Variants in CARM1 observed in about 807,000 individuals in gnomAD.
The protein encoded by CARM1 is coactivator associated arginine methyltransferase 1.
Under a neutral mutation model 72.7 loss-of-function variants are expected in CARM1, and 14 were observed. That is an observed-to-expected ratio of 0.19 (90% CI 0.13 to 0.30). The LOEUF is 0.30. CARM1 is among the 10% of genes least tolerant of loss of function. CARM1 has a pLI of 1.00. For synonymous variants in CARM1, 333 were observed against 345.5 expected, an observed-to-expected ratio of 0.96 and a Z score of 0.40; for missense variants, 432 against 833.7, an observed-to-expected ratio of 0.52 and a Z score of 5.93.
At chr19:10,876,008 A>C (rs1260241160) in intron 1 of CARM1, among the ~76,000 whole-genome samples, 1 of 151,000 alleles carries the variant, frequency 6.6e-6, no homozygotes, top group Non-Finnish European at 1.5e-5. Context: ...CTGGGATTAC[A>C]GGGATTAGAG....
In CARM1 at chr19:10,916,837, C is replaced by A; in HGVS notation, c.1020+60C>A. Reference sequence around the variant, plus strand: ...CACTTGCCATTGCTGTGCAGCTGTGCAGCCCTCAGGAAGCTACAGCCCCTC... The same window carrying A: ...CACTTGCCATTGCTGTGCAGCTGTGAAGCCCTCAGGAAGCTACAGCCCCTC... On this transcript the variant is annotated intron_variant, in intron 8 of 15. Transcript: ENST00000327064. The surrounding 1 kb of genome is among the most constrained non-coding windows in gnomAD (Gnocchi z 4.4). 1 of 1,288,640 alleles carries A rather than the reference C, an allele frequency of 7.8e-7. No homozygotes were observed. The highest frequency in any genetic ancestry group is 1.1e-6 in the Non-Finnish European group (1 of 915,026). 79.8% of individuals were successfully genotyped at this position (1,288,640 alleles called of 1,614,324 possible). A position where few individuals can be genotyped will look rare whatever the true frequency, so the allele number is the denominator to read the frequency against.
intron 1 of CARM1, among the ~76,000 whole-genome samples, chr19:10,901,924 G>A (rs1443700526): frequency 6.6e-6 from 1 of 151,786 alleles, no homozygotes; most frequent in East Asian, 2.0e-4. Context: ...ACTCCAGCCT[G>A]GGCAACAGAT....
At chr19:10,872,294 AGGT>A (rs1356546919) in intron 1 of CARM1, among the ~76,000 whole-genome samples, 1 of 48,914 alleles carries the variant, frequency 2.0e-5, no homozygotes, top group Non-Finnish European at 4.0e-5. Context: ...GGTGCGGGAG[AGGT>A]GGGCGTCTCG....
chr19:10,878,957 C>T (rs141368770), intron 1 of CARM1, among the ~76,000 whole-genome samples: 150 of 152,266 alleles, frequency 9.9e-4, no homozygotes, highest in Middle Eastern at 6.8e-3. Flanking sequence ...CAGGCGTGTG[C>T]CACCACGGCT....
chr19:10,908,148 G>A lies in CARM1; in HGVS notation c.453+3G>A, dbSNP rs1475543050. On this transcript the variant is annotated splice_donor_region_variant and intron_variant, in intron 3 of 15. Coordinates refer to ENST00000327064, the MANE Select transcript of CARM1 (RefSeq NM_199141.2). ...CTTCTGCCGTGCAGTACTTCCAGGTGGGTTGTACTCCCCCTCAGCCAGGCC... is the reference window on the plus strand; with the variant it reads ...CTTCTGCCGTGCAGTACTTCCAGGTAGGTTGTACTCCCCCTCAGCCAGGCC... 3.1e-6 allele frequency: 5 copies of A among 1,601,778 alleles called. No homozygotes were observed. Among genetic ancestry groups the A allele is most frequent in the Non-Finnish European group, 4.3e-6 (5 of 1,168,864 alleles).
chr19:10,881,293 T>G (rs2073900518), intron 1 of CARM1, among the ~76,000 whole-genome samples: 1 of 152,204 alleles, frequency 6.6e-6, no homozygotes, highest in South Asian at 2.1e-4. Flanking sequence ...AGCTGTGGAT[T>G]CTCTGCACAT....
At chr19:10,876,186 T>C (rs768211820) in intron 1 of CARM1, among the ~76,000 whole-genome samples, 9 of 152,144 alleles carry the variant, frequency 5.9e-5, no homozygotes, top group Middle Eastern at 3.4e-3. Context: ...GCCTCACATA[T>C]GGCTAATTTT....
At chr19:10,891,833 A>G (rs1433444375) in intron 1 of CARM1, among the ~76,000 whole-genome samples, 1 of 152,218 alleles carries the variant, frequency 6.6e-6, no homozygotes, top group African/African-American at 2.4e-5. Context: ...TCAGGCACAT[A>G]CAAGCGCGCA....
intron 3 of CARM1, 61 bp downstream of exon 3, chr19:10,908,206 C>T (rs1258516263): frequency 4.6e-6 from 5 of 1,084,554 alleles, no homozygotes; most frequent in African/African-American, 1.5e-5. Flanking sequence ...GCCACTCACC[C>T]GCAGGAGGCC....
Position 10,912,080 on chromosome 19 carries a change from G to A in CARM1, c.559-104G>A, listed in dbSNP as rs1401754031. The A allele has an allele frequency of 3.5e-6, 3 of 857,758 alleles. No homozygotes were observed. The highest frequency in any genetic ancestry group is 1.3e-5 in the South Asian group (1 of 74,538). The allele number at this position is 857,758 out of a possible 1,614,324, so 53.1% of individuals were successfully genotyped here. On this transcript the variant is annotated intron_variant, in intron 4 of 15. Coordinates refer to ENST00000327064, the MANE Select transcript of CARM1 (RefSeq NM_199141.2). This position sits in a 1 kb window ranked among gnomAD's most constrained non-coding sequence, Gnocchi z 4.5. ...AGCCCATAAAGGGCAAACATTGAGA[G>A]TGAAGACAGACGCCTCATGATGTGC...
intron 1 of CARM1, among the ~76,000 whole-genome samples, chr19:10,887,973 C>G (rs1223870123): frequency 1.3e-5 from 2 of 152,238 alleles, no homozygotes; most frequent in Non-Finnish European, 2.9e-5. Flanking sequence ...CAATGAGAGC[C>G]AGGGTGTGGA....
intron 1 of CARM1, among the ~76,000 whole-genome samples, chr19:10,881,361 A>G (rs1431558091): frequency 6.6e-6 from 1 of 152,134 alleles, no homozygotes; most frequent in Non-Finnish European, 1.5e-5. Flanking sequence ...TCTGTGACTG[A>G]AAAAGGGTAC....
At chr19:10,883,711 G>A (rs1363555523) in intron 1 of CARM1, among the ~76,000 whole-genome samples, 4 of 152,150 alleles carry the variant, frequency 2.6e-5, no homozygotes, top group African/African-American at 4.8e-5. Flanking sequence ...GCGCCACCAC[G>A]GCTGGCTAAT....
chr19:10,901,863 C>A (rs190433768), intron 1 of CARM1, among the ~76,000 whole-genome samples: 3 of 151,786 alleles, frequency 2.0e-5, no homozygotes, highest in Non-Finnish European at 4.4e-5. Flanking sequence ...ATCGCTTGAA[C>A]GCAGCTACTC....
intron 1 of CARM1, among the ~76,000 whole-genome samples, chr19:10,887,430 T>A (rs976018153): frequency 1.3e-5 from 2 of 152,218 alleles, no homozygotes; most frequent in Non-Finnish European, 2.9e-5. Context: ...CTGCAGGTCC[T>A]GGGGCGGAAG....
intron 8 of CARM1, among the ~76,000 whole-genome samples, chr19:10,918,027 G>C (rs1232653651): frequency 6.6e-6 from 1 of 151,922 alleles, no homozygotes; most frequent in Non-Finnish European, 1.5e-5. Context: ...AGTCTTTTGT[G>C]ATATCACTGG....
rs943242448 is a variant in CARM1 at position 10,921,221 on chromosome 19, C to T, written c.1615+94C>T. ...CTGTGGTGACCAGGGTCGGCCTCTG[C>T]TTGGTCCTTTCACCTTTTCCTCTTC... On this transcript the variant is annotated intron_variant, in intron 14 of 15. Coordinates refer to ENST00000327064, the MANE Select transcript of CARM1 (RefSeq NM_199141.2). The T allele has an allele frequency of 4.8e-6, 7 of 1,459,262 alleles. No homozygotes were observed. The Admixed American group carries it at 7.0e-5, about 15-fold the overall frequency. The allele number at this position is 1,459,262 out of a possible 1,614,324, so 90.4% of individuals were successfully genotyped here. A position where few individuals can be genotyped will look rare whatever the true frequency, so the allele number is the denominator to read the frequency against.
chr19:10,885,449 G>A (rs938888233), intron 1 of CARM1, among the ~76,000 whole-genome samples: 19 of 152,176 alleles, frequency 1.2e-4, no homozygotes, highest in African/African-American at 4.3e-4. Context: ...ATGTGCAAGC[G>A]TAGTGGTTTT....
intron 1 of CARM1, among the ~76,000 whole-genome samples, chr19:10,887,669 G>A (rs556988512): frequency 1.2e-4 from 19 of 152,074 alleles, no homozygotes; most frequent in Non-Finnish European, 2.4e-4. Flanking sequence ...TCTCAAACTC[G>A]TGGTCCCAAG....
Sources: allele counts gnomAD v4.1 joint callset (sites outside exome capture counted in the v4.1 genomes callset), GRCh38; gene constraint gnomAD v4.1.1; non-coding constraint Gnocchi (gnomAD v3.1); transcripts MANE v1.5; gene names NCBI Gene and HGNC (gene_info 2026-07-23, HGNC 2026-07-21).